Variants in JMJD1C observed in about 807,000 individuals in gnomAD.
JMJD1C encodes the protein jumonji domain-containing protein 1C.
A neutral mutation model predicts 245.3 loss-of-function variants in JMJD1C; 31 were observed. That is an observed-to-expected ratio of 0.13 (90% CI 0.09 to 0.17). The LOEUF is 0.17. Among genes scored for constraint, JMJD1C ranks in the 10% least tolerant of loss-of-function variants. The pLI is 1.00. For synonymous variants in JMJD1C, 1,057 were observed against 1,017.4 expected (o/e 1.04, Z -0.74); for missense variants, 2,691 against 3,000.2 (o/e 0.90, Z 2.41).
intron 3 of JMJD1C, among the ~76,000 whole-genome samples, chr10:63,241,478 T>C (rs1014649760): frequency 1.3e-5 from 2 of 152,198 alleles, no homozygotes; most frequent in Non-Finnish European, 2.9e-5. Flanking sequence ...AGTTTTATCA[T>C]ATTACTTTTC....
chr10:63,382,320 C>T (rs1346541240), intron 1 of JMJD1C, among the ~76,000 whole-genome samples: 1 of 152,066 alleles, frequency 6.6e-6, no homozygotes, highest in East Asian at 1.9e-4. Context: ...CAACCACAGA[C>T]AATATGTAAA....
intron 1 of JMJD1C, among the ~76,000 whole-genome samples, chr10:63,512,082 T>C (rs1409613341): frequency 4.6e-5 from 7 of 152,346 alleles, no homozygotes; most frequent in Non-Finnish European, 7.3e-5. Flanking sequence ...CTTTCATCTG[T>C]TGCATCATTG....
chr10:63,289,955 A>C (rs1395826110), intron 2 of JMJD1C, among the ~76,000 whole-genome samples: 1 of 152,100 alleles, frequency 6.6e-6, no homozygotes, highest in African/African-American at 2.4e-5. Flanking sequence ...AAAATCACAG[A>C]AGTTAAAAAA....
At position 63,214,225 on chromosome 10, in the gene JMJD1C, T is replaced by C. The variant is rs1847698253; in HGVS notation, c.1942A>G (p.Lys648Glu). The C allele has an allele frequency of 2.5e-6, 4 of 1,614,024 alleles. No homozygotes were observed. In the East Asian group the frequency reaches 8.9e-5, roughly 36 times the overall value. ...ACAGAATCAGGAGAATGAGTTATTT[T>C]GGGTTTAACAACTTCAGGTGATGGG... is the stretch of plus-strand genomic sequence containing the variant. ...SSPSPEVVKPKITHSPDSVKS... is the reference protein window; with the variant it reads ...SSPSPEVVKPEITHSPDSVKS... Residue 648 changes from lysine (K) to glutamate (E), a missense_variant, in exon 8 of 26, where the codon AAA (lysine) becomes GAA (glutamate). Lys to Glu is a moderately conservative substitution (Grantham distance 56). This residue lies in a region of JMJD1C where 1,562 missense variants were observed against 1,490.7 expected (regional missense o/e 1.05). Coordinates refer to ENST00000399262, the MANE Select transcript of JMJD1C (RefSeq NM_032776.3).
intron 13 of JMJD1C, among the ~76,000 whole-genome samples, chr10:63,195,551 A>C (rs917232042): frequency 6.6e-6 from 1 of 152,170 alleles, no homozygotes; most frequent in African/African-American, 2.4e-5. Flanking sequence ...GCTATATATT[A>C]AACCTACTCA....
At chr10:63,220,963 T>TA (rs1848531098) in intron 3 of JMJD1C, among the ~76,000 whole-genome samples, 2 of 151,778 alleles carry the variant, frequency 1.3e-5, no homozygotes, top group South Asian at 4.2e-4. Context: ...AAAAAAATAT[T>TA]AGCTGGGTGT....
intron 1 of JMJD1C, among the ~76,000 whole-genome samples, chr10:63,521,061 C>A (rs1206376595): frequency 6.6e-6 from 1 of 152,220 alleles, no homozygotes; most frequent in Admixed American, 6.5e-5. Flanking sequence ...CACACAGGCA[C>A]TGCCAATCCC....
chr10:63,407,724 TAAAAA>T (rs1055855380), intron 1 of JMJD1C, among the ~76,000 whole-genome samples: 1 of 104,738 alleles, frequency 9.5e-6, no homozygotes, highest in Non-Finnish European at 2.1e-5. Context: ...AACAAAACAT[TAAAAA>T]AAAAAAGAAT....
At chr10:63,256,168 C>A (rs1853894184) in intron 3 of JMJD1C, among the ~76,000 whole-genome samples, 1 of 152,096 alleles carries the variant, frequency 6.6e-6, no homozygotes, top group Non-Finnish European at 1.5e-5. Context: ...TGTTTTTAAT[C>A]TGAATATTGC....
At chr10:63,511,315 T>C (rs1014186064) in intron 1 of JMJD1C, among the ~76,000 whole-genome samples, 2 of 152,230 alleles carry the variant, frequency 1.3e-5, no homozygotes, top group Non-Finnish European at 2.9e-5. Flanking sequence ...ATTTTCTCCC[T>C]TTTCTTGGCA....
At chr10:63,191,177 G>A in intron 16 of JMJD1C, 69 bp from the exon 17 acceptor site, 1 of 1,291,980 alleles carries the variant, frequency 7.7e-7, no homozygotes, top group African/African-American at 1.5e-5. Flanking sequence ...TGTCGCCCAG[G>A]CTGGAGTGCA....
chr10:63,259,397 A>C (rs1854407358), intron 3 of JMJD1C, among the ~76,000 whole-genome samples: 1 of 151,420 alleles, frequency 6.6e-6, no homozygotes, highest in Admixed American at 6.6e-5. Flanking sequence ...ATAGGACAGT[A>C]ACACAAATTT....
At chr10:63,299,563 T>C (rs1564752615) in intron 2 of JMJD1C, among the ~76,000 whole-genome samples, 1 of 152,282 alleles carries the variant, frequency 6.6e-6, no homozygotes, top group East Asian at 1.9e-4. Flanking sequence ...AGAGCTCACC[T>C]ACGGCACAAA....
intron 2 of JMJD1C, chr10:63,301,701 A>G (rs1474422125): frequency 8.9e-6 from 4 of 447,474 alleles, no homozygotes; most frequent in Non-Finnish European, 1.8e-5. Context: ...CAAATACCTA[A>G]TGCATATGCA....
intron 1 of JMJD1C, among the ~76,000 whole-genome samples, chr10:63,504,368 G>C (rs1954653331): frequency 6.6e-6 from 1 of 152,108 alleles, no homozygotes; most frequent in Admixed American, 6.6e-5. Context: ...TGATTAGGTG[G>C]TTAGGTGAGA....
At position 63,337,622 on chromosome 10, in the gene JMJD1C, A is replaced by C. The variant is rs948712568; in HGVS notation, c.333+42696T>G. On this transcript the variant is annotated intron_variant, in intron 2 of 25. Coordinates refer to ENST00000399262, the MANE Select transcript of JMJD1C (RefSeq NM_032776.3). Reference sequence around the variant, plus strand: ...AGAAAAGAAAAGAAAAGAAAAGAAAAGAAAAAGAAAAGAAAAAAAATCCGC... The same window carrying C: ...AGAAAAGAAAAGAAAAGAAAAGAAACGAAAAAGAAAAGAAAAAAAATCCGC... 3.0e-5 allele frequency among the ~76,000 whole-genome samples: 2 copies of C among 67,216 alleles called. 1 individual carries two copies. Among genetic ancestry groups the C allele is most frequent in the African/African-American group, 3.6e-4 (2 of 5,606 alleles). 44.1% of individuals were successfully genotyped at this position (67,216 alleles called of 152,430 possible).
chr10:63,462,798 G>C (rs190859602), intron 1 of JMJD1C, among the ~76,000 whole-genome samples: 4 of 152,110 alleles, frequency 2.6e-5, no homozygotes, highest in Non-Finnish European at 5.9e-5. Flanking sequence ...TTTTAGCCCA[G>C]CAAGATCCAG....
At chr10:63,327,940 G>C (rs930804326) in intron 2 of JMJD1C, among the ~76,000 whole-genome samples, 2 of 152,006 alleles carry the variant, frequency 1.3e-5, no homozygotes, top group African/African-American at 4.8e-5. Context: ...AAAGTACTGG[G>C]ATTACAGGTG....
At chr10:63,176,695 C>T in intron 23 of JMJD1C, 1 of 432,446 alleles carries the variant, frequency 2.3e-6, no homozygotes, top group African/African-American at 2.0e-5. Flanking sequence ...TAACAGTTTA[C>T]TACTTCCTTC....
Sources: allele counts gnomAD v4.1 joint callset (sites outside exome capture counted in the v4.1 genomes callset), GRCh38; gene constraint gnomAD v4.1.1; regional missense constraint gnomAD v4.1.1; transcripts MANE v1.5; gene names NCBI Gene and HGNC (gene_info 2026-07-23, HGNC 2026-07-21).